Variants in EPHA3 observed in about 807,000 individuals in gnomAD.
EPHA3 encodes the protein EPH receptor A3.
In EPHA3, 42 loss-of-function variants were observed where a neutral mutation model predicts 107.1. The observed-to-expected ratio is 0.39, with a 90% CI of 0.31 to 0.51. The LOEUF is 0.51. Among genes scored for constraint, EPHA3 ranks in the 20% least tolerant of loss-of-function variants. The pLI is 0.78. For synonymous variants in EPHA3, 461 were observed against 424.8 expected (o/e 1.09, Z -1.05); for missense variants, 1,183 against 1,211.2 (o/e 0.98, Z 0.35).
intron 2 of EPHA3, among the ~76,000 whole-genome samples, chr3:89,165,860 A>G (rs1433536262): frequency 2.0e-5 from 3 of 152,142 alleles, no homozygotes; most frequent in African/African-American, 7.2e-5. Flanking sequence ...CAGAAACACC[A>G]AATACCCATT....
intron 2 of EPHA3, among the ~76,000 whole-genome samples, chr3:89,192,235 A>G (rs1705735090): frequency 6.6e-6 from 1 of 151,604 alleles, no homozygotes; most frequent in Admixed American, 6.6e-5. Context: ...TCCTAGGTAT[A>G]ATATTTTGTT....
chr3:89,479,107 C>A (rs1251970887), intron 16 of EPHA3, among the ~76,000 whole-genome samples: 1 of 152,028 alleles, frequency 6.6e-6, no homozygotes, highest in African/African-American at 2.4e-5. Context: ...AGATATTTTC[C>A]CAATCGGTGT....
At chr3:89,287,146 G>A (rs1013730188) in intron 3 of EPHA3, among the ~76,000 whole-genome samples, 46 of 152,162 alleles carry the variant, frequency 3.0e-4, no homozygotes, top group African/African-American at 8.9e-4. Flanking sequence ...GAACAATTAC[G>A]AACAGAAAAA....
At chr3:89,157,787 T>A (rs1704839454) in intron 2 of EPHA3, among the ~76,000 whole-genome samples, 1 of 151,734 alleles carries the variant, frequency 6.6e-6, no homozygotes, top group Non-Finnish European at 1.5e-5. Context: ...CAAATCATCC[T>A]TGGCAGTAGG....
chr3:89,288,272 A>G (rs1004179482), intron 3 of EPHA3, among the ~76,000 whole-genome samples: 24 of 152,272 alleles, frequency 1.6e-4, no homozygotes, highest in African/African-American at 5.8e-4. Flanking sequence ...TGAGCAAACC[A>G]TCTTTCTAAA....
chr3:89,395,848 G>C lies in EPHA3; in HGVS notation c.1318G>C (p.Val440Leu). Residue 440 changes from valine (V) to leucine (L), a missense_variant, in exon 6 of 17, where the codon GTC becomes CTC. Physicochemically the swap from Val to Leu is conservative, Grantham distance 32 (BLOSUM62 1). Coordinates refer to ENST00000336596, the MANE Select transcript of EPHA3 (RefSeq NM_005233.6). The stretch of plus-strand genomic sequence containing the variant: ...TCCTCTCTTTACAGCTCCATCACCT[G>C]TCCTGACGATTAAGAAAGATCGGAC... ...ITTNQAAPSPVLTIKKDRTSR... is the reference protein window; with the variant it reads ...ITTNQAAPSPLLTIKKDRTSR... 1 of 1,613,748 alleles carries C rather than the reference G, an allele frequency of 6.2e-7. No homozygotes were observed. The highest frequency in any genetic ancestry group is 8.5e-7 in the Non-Finnish European group (1 of 1,179,880).
Position 89,419,368 on chromosome 3 carries a change from A to T in EPHA3, c.2052A>T (p.Arg684=). 1.9e-6 allele frequency: 3 copies of T among 1,596,682 alleles called. No homozygotes were observed. Among genetic ancestry groups the T allele is most frequent in the Non-Finnish European group, 2.6e-6 (3 of 1,172,296 alleles). ...AGTTTGACCACCCCAATATCATTCGACTGGAAGGAGTTGTTACCAAAAGTA... is the reference window on the plus strand; with the variant it reads ...AGTTTGACCACCCCAATATCATTCGTCTGGAAGGAGTTGTTACCAAAAGTA... The part of the protein sequence containing the change: ...MGQFDHPNII[R]LEGVVTKSKP... The change falls in exon 11 of 17, where the codon CGA becomes CGT. Residue 684 remains arginine, a synonymous_variant. Transcript: ENST00000336596.
At chr3:89,117,697 T>G (rs1440985189) in intron 1 of EPHA3, among the ~76,000 whole-genome samples, 1 of 152,022 alleles carries the variant, frequency 6.6e-6, no homozygotes, top group Non-Finnish European at 1.5e-5. Context: ...CCTTTTGACC[T>G]CATTATGGCA....
At chr3:89,190,558 G>T (rs1258307054) in intron 2 of EPHA3, among the ~76,000 whole-genome samples, 1 of 152,158 alleles carries the variant, frequency 6.6e-6, no homozygotes, top group Non-Finnish European at 1.5e-5. Context: ...TTTCTCACAG[G>T]CTGGAAGTGT....
chr3:89,264,667 G>C (rs1305591154), intron 3 of EPHA3, among the ~76,000 whole-genome samples: 4 of 152,096 alleles, frequency 2.6e-5, no homozygotes, highest in Non-Finnish European at 5.9e-5. Flanking sequence ...GAGAACAGGA[G>C]AAGCATATGT....
At chr3:89,452,077 A>T (rs1249871363) in intron 15 of EPHA3, among the ~76,000 whole-genome samples, 1 of 152,204 alleles carries the variant, frequency 6.6e-6, no homozygotes, top group Non-Finnish European at 1.5e-5. Context: ...CAAAATTTTA[A>T]CATATAAACG....
At chr3:89,207,267 GA>G (rs1336247520) in intron 2 of EPHA3, among the ~76,000 whole-genome samples, 3 of 152,036 alleles carry the variant, frequency 2.0e-5, no homozygotes, top group African/African-American at 7.2e-5. Context: ...TTTGTGATTA[GA>G]AGGTGTGAAT....
intron 5 of EPHA3, among the ~76,000 whole-genome samples, chr3:89,389,268 T>G (rs75418584): frequency 0.016 from 2,438 of 152,278 alleles, 68 homozygotes; most frequent in African/African-American, 0.055. Flanking sequence ...TTAACAGAAG[T>G]GTTCACTTCT....
chr3:89,272,893 C>A (rs1217582932), intron 3 of EPHA3, among the ~76,000 whole-genome samples: 1 of 151,850 alleles, frequency 6.6e-6, no homozygotes, highest in African/African-American at 2.4e-5. Context: ...TTAATGTTCT[C>A]TGATGGTCAC....
At chr3:89,108,274 C>G (rs1184034465) in intron 1 of EPHA3, among the ~76,000 whole-genome samples, 1 of 152,002 alleles carries the variant, frequency 6.6e-6, no homozygotes, top group Non-Finnish European at 1.5e-5. Context: ...CAGGTTGTTC[C>G]TACTTGGGAT....
chr3:89,431,290 G>C lies in EPHA3; in HGVS notation c.2277G>C (p.Val759=), dbSNP rs2107537166. ...ACATCTTGATCAACAGTAACTTGGT[G>C]TGTAAGGTTTCTGATTTCGGACTTT... ...ARNILINSNL[V]CKVSDFGLSR... is the part of the protein sequence containing the mutation. Residue 759 remains valine (V), a synonymous_variant, in exon 13 of 17, where the codon GTG becomes GTC. Coordinates refer to ENST00000336596, the MANE Select transcript of EPHA3 (RefSeq NM_005233.6). 6.2e-7 allele frequency: 1 copy of C among 1,613,710 alleles called. No individual in the cohort carries two copies. Among genetic ancestry groups the C allele is most frequent in the Non-Finnish European group, 8.5e-7 (1 of 1,179,932 alleles).
At chr3:89,432,243 C>T (rs1042393506) in intron 13 of EPHA3, among the ~76,000 whole-genome samples, 8 of 152,114 alleles carry the variant, frequency 5.3e-5, no homozygotes, top group Non-Finnish European at 8.8e-5. Context: ...CTTTACTACA[C>T]TCTTGATAAA....
intron 2 of EPHA3, among the ~76,000 whole-genome samples, chr3:89,160,008 A>G (rs560497040): frequency 2.0e-5 from 3 of 152,070 alleles, no homozygotes; most frequent in South Asian, 2.1e-4. Flanking sequence ...AAGAAAAATT[A>G]TACTAGATTT....
At chr3:89,456,217 AACTC>A (rs1710094969) in intron 15 of EPHA3, among the ~76,000 whole-genome samples, 1 of 152,172 alleles carries the variant, frequency 6.6e-6, no homozygotes, top group Non-Finnish European at 1.5e-5. Flanking sequence ...CTGTCAACTC[AACTC>A]CAGAAATACA....
Sources: allele counts gnomAD v4.1 joint callset (sites outside exome capture counted in the v4.1 genomes callset), GRCh38; gene constraint gnomAD v4.1.1; transcripts MANE v1.5; gene names NCBI Gene and HGNC (gene_info 2026-07-23, HGNC 2026-07-21).